Variants in KRT40 observed in about 807,000 individuals in gnomAD.
KRT40 encodes the protein keratin 40.
A neutral mutation model predicts 43.5 loss-of-function variants in KRT40; 47 were observed. That is an observed-to-expected ratio of 1.08 (90% CI 0.86 to 1.38). The LOEUF (loss-of-function observed/expected upper bound fraction) is 1.38, where lower values mean the gene tolerates loss of function less well. Ranked by LOEUF, KRT40 falls within the 40% of genes most tolerant of loss-of-function variation. The pLI is 0.00. For missense variants in KRT40, 573 were observed against 523.6 expected (o/e 1.09, Z -0.92); for synonymous variants, 212 against 214.0 (o/e 0.99, Z 0.08).
rs1421604742 is a variant in KRT40, at chr17:40,978,834, T to C, written c.1166A>G (p.Tyr389Cys). The C allele has an allele frequency of 1.9e-6, 3 of 1,612,794 alleles. No homozygotes were observed. Among genetic ancestry groups the C allele is most frequent in the Non-Finnish European group, 2.5e-6 (3 of 1,179,996 alleles). ...GTCCTCGCTGTCCAGCAGGCCCCAG[T>C]ACGTGTTGATCTCACCCTCCAGCCG... ...KARLEGEINT[Y>C]WGLLDSEDSR... Residue 389 changes from tyrosine to cysteine, a missense_variant, in exon 6 of 7, where the codon TAC becomes TGC. By Grantham distance (194) the Tyr-to-Cys change is radical. Transcript: ENST00000377755.
In KRT40 at chr17:40,980,917, C is replaced by T; in HGVS notation, c.850-7G>A. 1 of 1,614,150 alleles carries T rather than the reference C, an allele frequency of 6.2e-7. No homozygotes were observed. Among genetic ancestry groups the T allele is most frequent in the Non-Finnish European group, 8.5e-7 (1 of 1,180,036 alleles). On this transcript the variant is annotated splice_region_variant and splice_polypyrimidine_tract_variant and intron_variant, in intron 4 of 6. Transcript: ENST00000377755. ...GCTGATTCAGCTCTTCTGTCTGAAACACAGACACCATTAGAGAATTCAAAA... is the reference window on the plus strand; with the variant it reads ...GCTGATTCAGCTCTTCTGTCTGAAATACAGACACCATTAGAGAATTCAAAA...
upstream of KRT40, among the ~76,000 whole-genome samples, chr17:40,986,527 T>C (rs1912474808): frequency 6.6e-6 from 1 of 152,202 alleles, no homozygotes; most frequent in Non-Finnish European, 1.5e-5. Context: ...TGCTGCCCAT[T>C]GCTTCCTTGC....
Position 40,978,193 on chromosome 17 carries a change from A to T in KRT40, c.*4T>A. ...TTGATTCCTCTACCTGCTGTCCTTA[A>T]CATTCACAAGCAGCAGTTTTCAACA... On this transcript the variant is annotated 3_prime_UTR_variant, in exon 7 of 7. Coordinates refer to ENST00000377755, the MANE Select transcript of KRT40 (RefSeq NM_001389244.1). 1 of 1,607,916 alleles carries T rather than the reference A, an allele frequency of 6.2e-7. No homozygotes were observed. The highest frequency in any genetic ancestry group is 8.5e-7 in the Non-Finnish European group (1 of 1,174,588).
At position 40,984,232 on chromosome 17, in the gene KRT40, G is replaced by T. The variant is rs996014844; in HGVS notation, c.42C>A (p.Ser14=). 1 of 1,613,776 alleles carries T rather than the reference G, an allele frequency of 6.2e-7. No homozygotes were observed. The highest frequency in any genetic ancestry group is 8.5e-7 in the Non-Finnish European group (1 of 1,179,878). ...GTGCACAACCGGAAGCCGTGCCACA[G>T]GACTCAGGAGAGCAGTGTGTGGAGG... The part of the protein sequence containing the change: ...DCSSTHCSPE[S]CGTASGCAPA... Residue 14 remains serine, a synonymous_variant, in exon 1 of 7, where the codon TCC becomes TCA. Transcript: ENST00000377755.
At chr17:40,984,870 T>G (rs1222310631), upstream of KRT40, among the ~76,000 whole-genome samples, 1 of 152,068 alleles carries the variant, frequency 6.6e-6, no homozygotes, top group Non-Finnish European at 1.5e-5. Context: ...AGTGTGTGTG[T>G]GTGTGCAAAC....
rs1007399687 is a variant in KRT40 at position 40,978,114 on chromosome 17, C to T, written c.*83G>A. On this transcript the variant is annotated 3_prime_UTR_variant, in exon 7 of 7. Transcript: ENST00000377755. ...TGAGAGCCTCCTGGATTTGTGCTTC[C>T]GGTTTGGATGTCCCTGGTTGAAGCC... 16 of 1,009,808 alleles carry T rather than the reference C, an allele frequency of 1.6e-5. No homozygotes were observed. Among genetic ancestry groups the T allele is most frequent in the Middle Eastern group, 2.8e-4 (1 of 3,570 alleles). 62.6% of individuals were successfully genotyped at this position (1,009,808 alleles called of 1,614,324 possible). A position where few individuals can be genotyped will look rare whatever the true frequency, so the allele number is the denominator to read the frequency against.
At chr17:40,981,336 A>C in intron 3 of KRT40, 185 bp from the exon 4 acceptor site, 3 of 1,105,442 alleles carry the variant, frequency 2.7e-6, no homozygotes, top group Non-Finnish European at 4.0e-6. Context: ...TGTAAAATGG[A>C]CATAATAATT....
upstream of KRT40, among the ~76,000 whole-genome samples, chr17:40,984,785 A>C (rs544412360): frequency 1.6e-4 from 24 of 152,228 alleles, no homozygotes. Flanking sequence ...GTGATTAGTA[A>C]TCTTTCAATG....
intron 2 of KRT40, among the ~76,000 whole-genome samples, 193 bp downstream of exon 2, chr17:40,982,853 A>C (rs903627917): frequency 6.6e-6 from 1 of 152,040 alleles, no homozygotes; most frequent in African/African-American, 2.4e-5. Flanking sequence ...AAAATACAAA[A>C]ATTAGCTAGG....
In KRT40 at chr17:40,978,108, T is replaced by A; in HGVS notation, c.*89A>T. 1.1e-6 allele frequency: 1 copy of A among 943,936 alleles called. No individual in the cohort carries two copies. Among genetic ancestry groups the A allele is most frequent in the Admixed American group, 1.8e-5 (1 of 55,736 alleles). 58.5% of individuals were successfully genotyped at this position (943,936 alleles called of 1,614,324 possible). On this transcript the variant is annotated 3_prime_UTR_variant, in exon 7 of 7. Transcript: ENST00000377755. ...AGGATATGAGAGCCTCCTGGATTTG[T>A]GCTTCCGGTTTGGATGTCCCTGGTT...
rs925077222 is a variant in KRT40, at chr17:40,983,073, T to C, written c.503A>G (p.Lys168Arg). The C allele has an allele frequency of 3.4e-6, 5 of 1,482,514 alleles. No individual in the cohort carries two copies. The African/African-American group carries it at 7.0e-5, about 21-fold the overall frequency. The allele number at this position is 1,482,514 out of a possible 1,614,324, so 91.8% of individuals were successfully genotyped here. Reference sequence around the variant, plus strand: ...TGACTTAAAGTCATCAGTGGCCAGTTTGCAGTTGTCAAGCTGTACAGCAAG... The same window carrying C: ...TGACTTAAAGTCATCAGTGGCCAGTCTGCAGTTGTCAAGCTGTACAGCAAG... ...SRLAVQLDNC[K>R]LATDDFKSKY... The change falls in exon 2 of 7, where the codon AAA (lysine) becomes AGA (arginine). Residue 168 changes from lysine to arginine, a missense_variant. Physicochemically the swap from Lys to Arg is conservative, Grantham distance 26. Coordinates refer to ENST00000377755, the MANE Select transcript of KRT40 (RefSeq NM_001389244.1).
chr17:40,980,594 G>A (rs1285970037), intron 5 of KRT40, among the ~76,000 whole-genome samples, 191 bp downstream of exon 5: 1 of 152,144 alleles, frequency 6.6e-6, no homozygotes, highest in African/African-American at 2.4e-5. Context: ...TCAGACTCAA[G>A]CCCAGGAGTG....
intron 6 of KRT40, 115 bp downstream of exon 6, chr17:40,978,689 G>T: frequency 1.2e-6 from 1 of 813,118 alleles, no homozygotes; most frequent in Non-Finnish European, 2.0e-6. Flanking sequence ...TTTTTAAGAA[G>T]ATCCCTAAAC....
chr17:40,977,893 C>T lies in KRT40; in HGVS notation c.*304G>A. Reference sequence around the variant, plus strand: ...TATGGTTATGGGTTTAGATGATTTCCTTGCCATAAAATGAATATTCTATCA... The same window carrying T: ...TATGGTTATGGGTTTAGATGATTTCTTTGCCATAAAATGAATATTCTATCA... On this transcript the variant is annotated 3_prime_UTR_variant, in exon 7 of 7. Coordinates refer to ENST00000377755, the MANE Select transcript of KRT40 (RefSeq NM_001389244.1). 1 of 227,820 alleles carries T rather than the reference C, an allele frequency of 4.4e-6. No homozygotes were observed. Among genetic ancestry groups the T allele is most frequent in the Admixed American group, 5.1e-5 (1 of 19,732 alleles). The allele number at this position is 227,820 out of a possible 1,614,324, so 14.1% of individuals were successfully genotyped here.
intron 3 of KRT40, among the ~76,000 whole-genome samples, chr17:40,982,060 G>A (rs1173523618): frequency 6.6e-6 from 1 of 151,836 alleles, no homozygotes; most frequent in Non-Finnish European, 1.5e-5. Context: ...TGTATTTTTA[G>A]TAGAGATGAG....
At chr17:40,987,058 CA>C (rs1188308798), upstream of KRT40, 1 of 152,226 alleles carries the variant, frequency 6.6e-6, no homozygotes, top group Non-Finnish European at 1.5e-5. Context: ...TGTCAAGACT[CA>C]GCTGAAACGT....
At chr17:40,982,590 A>G (rs1597920908) in intron 2 of KRT40, 127 bp from the exon 3 acceptor site, 3 of 641,810 alleles carry the variant, frequency 4.7e-6, no homozygotes, top group East Asian at 5.9e-5. Context: ...TTCCTAAGTA[A>G]TGATAAATTC....
chr17:40,978,348 T>C (rs1314306241), intron 6 of KRT40, 52 bp from the exon 7 acceptor site: 8 of 1,416,530 alleles, frequency 5.6e-6, no homozygotes, highest in South Asian at 1.2e-5. Flanking sequence ...GTTGATAAAA[T>C]GGCAACTCAG....
chr17:40,983,675 T>C, intron 1 of KRT40, 152 bp downstream of exon 1: 1 of 713,656 alleles, frequency 1.4e-6, no homozygotes, highest in South Asian at 1.9e-5. Context: ...TGAGGTTTTC[T>C]GACTTTCAGT....
Sources: gnomAD v4.1 joint callset for allele counts (sites outside exome capture counted in the v4.1 genomes callset) on GRCh38, gnomAD v4.1.1 for gene constraint, MANE v1.5 for transcripts, NCBI Gene and HGNC (gene_info 2026-07-23, HGNC 2026-07-21) for gene names.